Variants in ANTXRL observed in about 807,000 individuals in gnomAD.
ANTXRL encodes anthrax toxin receptor-like.
ANTXRL carries 63 observed loss-of-function variants against 75.4 expected under a neutral mutation model. That is an observed-to-expected ratio of 0.84 (90% CI 0.68 to 1.03). The LOEUF is 1.03. Among genes scored for constraint, ANTXRL ranks in the 50% least tolerant of loss-of-function variants. ANTXRL has a pLI of 0.00. For synonymous variants in ANTXRL, 335 were observed against 291.3 expected, an observed-to-expected ratio of 1.15 and a Z score of -1.53; for missense variants, 797 against 789.4, an observed-to-expected ratio of 1.01 and a Z score of -0.12.
chr10:46,315,258 G>C (rs529499085), intron 16 of ANTXRL, among the ~76,000 whole-genome samples: 5 of 152,352 alleles, frequency 3.3e-5, no homozygotes, highest in African/African-American at 1.2e-4. Flanking sequence ...CTGGGAATGT[G>C]ACCTTCCTGC....
intron 9 of ANTXRL, among the ~76,000 whole-genome samples, chr10:46,299,886 G>A (rs1200432410): frequency 8.5e-5 from 13 of 152,138 alleles, no homozygotes; most frequent in African/African-American, 2.4e-4. Context: ...CTCTGTCCCC[G>A]ACCCCGCCTC....
intron 14 of ANTXRL, 117 bp downstream of exon 14, chr10:46,310,616 C>T: frequency 9.0e-7 from 1 of 1,107,616 alleles, no homozygotes; most frequent in Non-Finnish European, 1.3e-6. Flanking sequence ...GAGAAGTTGA[C>T]AGAGGGGCAG....
intron 13 of ANTXRL, among the ~76,000 whole-genome samples, chr10:46,309,508 C>T (rs1214705493): frequency 6.6e-6 from 1 of 152,214 alleles, no homozygotes; most frequent in African/African-American, 2.4e-5. Flanking sequence ...GAAACCAGGG[C>T]TGCCTCAACA....
At chr10:46,321,709 A>T (rs4635023) in intron 16 of ANTXRL, among the ~76,000 whole-genome samples, 99,689 of 151,900 alleles carry the variant, frequency 0.66, 32,668 homozygotes, top group African/African-American at 0.77. Flanking sequence ...ATTAAAGCCT[A>T]CCAAGTTTAA....
At chr10:46,298,946 G>T (rs1479072478) in intron 9 of ANTXRL, among the ~76,000 whole-genome samples, 2 of 151,484 alleles carry the variant, frequency 1.3e-5, no homozygotes, top group Non-Finnish European at 2.9e-5. Flanking sequence ...AATATGCGGG[G>T]GTGGTGGTGT....
At chr10:46,305,821 C>T (rs1838046190) in intron 10 of ANTXRL, among the ~76,000 whole-genome samples, 1 of 152,072 alleles carries the variant, frequency 6.6e-6, no homozygotes, top group South Asian at 2.1e-4. Flanking sequence ...AAACCCAGTC[C>T]CCTCCTCAGG....
At chr10:46,320,917 G>A (rs987694364) in intron 16 of ANTXRL, among the ~76,000 whole-genome samples, 1 of 152,152 alleles carries the variant, frequency 6.6e-6, no homozygotes, top group Non-Finnish European at 1.5e-5. Context: ...GGTCTTGAGA[G>A]ACTAGTGCCT....
chr10:46,287,215 T>C lies in ANTXRL; in HGVS notation c.-48T>C. 2 of 1,526,164 alleles carry C rather than the reference T, an allele frequency of 1.3e-6. No homozygotes were observed. Among genetic ancestry groups the C allele is most frequent in the Non-Finnish European group, 1.8e-6 (2 of 1,142,770 alleles). 94.5% of individuals were successfully genotyped at this position (1,526,164 alleles called of 1,614,324 possible). A position where few individuals can be genotyped will look rare whatever the true frequency, so the allele number is the denominator to read the frequency against. ...GCCTGTGCTCAGCCTCTCTGGGCCC[T>C]GGCACAGGCACCCAAGAGTGAGGTG... is the stretch of plus-strand genomic sequence containing the variant. On this transcript the variant is annotated 5_prime_UTR_variant, in exon 1 of 17. Coordinates refer to ENST00000620264, the MANE Select transcript of ANTXRL (RefSeq NM_001278688.3).
At chr10:46,300,737 C>T (rs1837677036) in intron 9 of ANTXRL, among the ~76,000 whole-genome samples, 1 of 152,180 alleles carries the variant, frequency 6.6e-6, no homozygotes, top group African/African-American at 2.4e-5. Flanking sequence ...CCCTCTGACT[C>T]CCTGCAGCCC....
In ANTXRL at chr10:46,330,098, C is replaced by A. The variant is rs1324231996; in HGVS notation, c.*14C>A. 6.7e-7 allele frequency: 1 copy of A among 1,490,658 alleles called. No homozygotes were observed. Among genetic ancestry groups the A allele is most frequent in the Non-Finnish European group, 8.9e-7 (1 of 1,123,330 alleles). The allele number at this position is 1,490,658 out of a possible 1,614,324, so 92.3% of individuals were successfully genotyped here. A position where few individuals can be genotyped will look rare whatever the true frequency, so the allele number is the denominator to read the frequency against. Reference sequence around the variant, plus strand: ...CCCAACTTCTAAGGCACCAAACACCCAAGATTAACAGGCTTTTGTTGCTGA... The same window carrying A: ...CCCAACTTCTAAGGCACCAAACACCAAAGATTAACAGGCTTTTGTTGCTGA... On this transcript the variant is annotated 3_prime_UTR_variant, in exon 17 of 17. Coordinates refer to ENST00000620264, the MANE Select transcript of ANTXRL (RefSeq NM_001278688.3).
chr10:46,306,314 C>G (rs1838079871), intron 10 of ANTXRL, among the ~76,000 whole-genome samples: 1 of 152,220 alleles, frequency 6.6e-6, no homozygotes, highest in Non-Finnish European at 1.5e-5. Flanking sequence ...TAATTCTCAA[C>G]CTGCCCCCAC....
intron 16 of ANTXRL, among the ~76,000 whole-genome samples, chr10:46,322,073 C>T (rs940638925): frequency 7.2e-5 from 11 of 152,146 alleles, no homozygotes; most frequent in Middle Eastern, 3.4e-3. Flanking sequence ...GAAGGAAACA[C>T]ATTTTCTGAT....
intron 15 of ANTXRL, among the ~76,000 whole-genome samples, 172 bp from the exon 16 acceptor site, chr10:46,313,064 A>T (rs1158798020): frequency 6.6e-6 from 1 of 152,158 alleles, no homozygotes; most frequent in Non-Finnish European, 1.5e-5. Flanking sequence ...CTGTGGCCAC[A>T]GTGACCATGT....
chr10:46,312,496 T>G (rs1177490401), intron 15 of ANTXRL, among the ~76,000 whole-genome samples: 17 of 147,396 alleles, frequency 1.2e-4, no homozygotes, highest in Non-Finnish European at 2.4e-4. Context: ...CTCTCCCCCT[T>G]GGTCCTGGCT....
chr10:46,288,364 C>G (rs1554955756), intron 1 of ANTXRL, among the ~76,000 whole-genome samples: 1 of 152,080 alleles, frequency 6.6e-6, no homozygotes, highest in South Asian at 2.1e-4. Flanking sequence ...AAGGGTGGCT[C>G]CTGGAGGTTG....
At chr10:46,325,892 AC>A (rs1474057957) in intron 16 of ANTXRL, among the ~76,000 whole-genome samples, 2 of 152,000 alleles carry the variant, frequency 1.3e-5, no homozygotes, top group African/African-American at 2.4e-5. Context: ...TCTTAGCTTC[AC>A]CAGGCCCCAA....
chr10:46,304,487 TG>T (rs1358597900), intron 10 of ANTXRL, among the ~76,000 whole-genome samples: 1 of 152,108 alleles, frequency 6.6e-6, no homozygotes, highest in African/African-American at 2.4e-5. Flanking sequence ...AGGCAGTTCT[TG>T]GGCACATGTT....
intron 1 of ANTXRL, among the ~76,000 whole-genome samples, chr10:46,288,328 G>A (rs1836845109): frequency 6.6e-6 from 1 of 152,122 alleles, no homozygotes; most frequent in African/African-American, 2.4e-5. Flanking sequence ...GAGTAGTACA[G>A]GTATTTTTCT....
At chr10:46,315,444 T>C (rs1420403255) in intron 16 of ANTXRL, among the ~76,000 whole-genome samples, 4 of 151,280 alleles carry the variant, frequency 2.6e-5, no homozygotes, top group African/African-American at 9.9e-5. Flanking sequence ...AGGACAGGCA[T>C]AGGCTGTCTG....
Sources: allele counts gnomAD v4.1 joint callset (sites outside exome capture counted in the v4.1 genomes callset), GRCh38; gene constraint gnomAD v4.1.1; transcripts MANE v1.5; gene names NCBI Gene and HGNC (gene_info 2026-07-23, HGNC 2026-07-21).